ASIC5: variants seen among roughly 807,000 people sequenced by gnomAD.
ASIC5 encodes acid sensing ion channel subunit family member 5, also known as bile acid-sensitive ion channel.
ASIC5 carries 52 observed loss-of-function variants against 51.2 expected under a neutral mutation model. The observed-to-expected ratio is 1.02, with a 90% CI of 0.81 to 1.28. ASIC5 has a LOEUF of 1.28. Ranked by LOEUF, ASIC5 falls within the 50% of genes most tolerant of loss-of-function variation. The pLI, the probability that ASIC5 is intolerant of heterozygous loss-of-function variation, is 0.00. For synonymous variants in ASIC5, 231 were observed against 200.7 expected (o/e 1.15, Z -1.28); for missense variants, 635 against 595.0 (o/e 1.07, Z -0.70).
intron 6 of ASIC5, 34 bp downstream of exon 6, chr4:155,842,173 T>G: frequency 6.3e-7 from 1 of 1,587,702 alleles, no homozygotes; most frequent in Admixed American, 1.7e-5. Context: ...CTTAACTGTC[T>G]AGTTAAGTAA....
intron 6 of ASIC5, among the ~76,000 whole-genome samples, chr4:155,839,787 C>T (rs555898976): frequency 4.8e-4 from 73 of 150,778 alleles, no homozygotes; most frequent in African/African-American, 1.6e-3. Context: ...TTATTTCTTG[C>T]TCTGGCAATA....
intron 2 of ASIC5, among the ~76,000 whole-genome samples, chr4:155,857,474 A>G (rs1309244712): frequency 6.6e-6 from 1 of 152,068 alleles, no homozygotes; most frequent in Non-Finnish European, 1.5e-5. Flanking sequence ...TTTCCTTTCA[A>G]AAACCTTGCT....
At chr4:155,838,465 A>G (rs1741042685) in intron 7 of ASIC5, among the ~76,000 whole-genome samples, 1 of 152,186 alleles carries the variant, frequency 6.6e-6, no homozygotes, top group African/African-American at 2.4e-5. Flanking sequence ...GTTCTCAGTA[A>G]TAAAACTTCT....
At chr4:155,860,627 T>C (rs561307685) in intron 2 of ASIC5, among the ~76,000 whole-genome samples, 1 of 152,042 alleles carries the variant, frequency 6.6e-6, no homozygotes, top group South Asian at 2.1e-4. Flanking sequence ...AATAATTTTC[T>C]TATAATTAAG....
chr4:155,839,266 A>G (rs1741063001), intron 6 of ASIC5, among the ~76,000 whole-genome samples: 1 of 151,952 alleles, frequency 6.6e-6, no homozygotes, highest in Non-Finnish European at 1.5e-5. Context: ...AAGCCTCAGA[A>G]AGAGTGGCTT....
At chr4:155,843,872 A>G in intron 4 of ASIC5, 42 bp from the exon 5 acceptor site, 1 of 1,600,424 alleles carries the variant, frequency 6.2e-7, no homozygotes, top group Non-Finnish European at 8.6e-7. Flanking sequence ...CAAATTGACT[A>G]TATCAGTTCT....
chr4:155,863,394 G>T lies in ASIC5; in HGVS notation c.347+54C>A, dbSNP rs1274328261. On this transcript the variant is annotated intron_variant, in intron 2 of 9. Coordinates refer to ENST00000537611, the MANE Select transcript of ASIC5 (RefSeq NM_017419.3). ...AACTCTTTGTCAGTCATCCAAGAAA[G>T]ATTATACTAGCAAATTTATAGGAAC... The T allele has an allele frequency of 5.1e-6, 7 of 1,378,986 alleles. No homozygotes were observed. In the African/African-American group the frequency reaches 7.3e-5, roughly 14 times the overall value. 85.4% of individuals were successfully genotyped at this position (1,378,986 alleles called of 1,614,324 possible).
intron 4 of ASIC5, among the ~76,000 whole-genome samples, 165 bp downstream of exon 4, chr4:155,852,019 TTAATTTC>T (rs1303397920): frequency 6.6e-5 from 10 of 152,064 alleles, no homozygotes; most frequent in Non-Finnish European, 1.2e-4. Flanking sequence ...TTTTGCCTGT[TTAATTTC>T]TAAGCCAGTA....
intron 7 of ASIC5, 105 bp downstream of exon 7, chr4:155,838,708 T>C (rs1741048518): frequency 5.9e-6 from 4 of 683,126 alleles, no homozygotes; most frequent in East Asian, 5.5e-5. Context: ...TTATATACTA[T>C]ATTCTGTTTA....
At chr4:155,851,385 A>G (rs1741379150) in intron 4 of ASIC5, among the ~76,000 whole-genome samples, 1 of 152,020 alleles carries the variant, frequency 6.6e-6, no homozygotes, top group Non-Finnish European at 1.5e-5. Flanking sequence ...AGCCAATGGC[A>G]TGATTCACTT....
At chr4:155,857,636 A>G (rs990099206) in intron 2 of ASIC5, among the ~76,000 whole-genome samples, 1 of 152,094 alleles carries the variant, frequency 6.6e-6, no homozygotes, top group Admixed American at 6.6e-5. Context: ...ATGGTTCTAA[A>G]TGTACTTCTC....
chr4:155,858,973 G>T (rs932795078), intron 2 of ASIC5: 1 of 151,988 alleles, frequency 6.6e-6, no homozygotes, highest in Non-Finnish European at 1.5e-5. Context: ...TATATTCTCA[G>T]GGTGAAATTC....
At chr4:155,850,579 T>C (rs1254713246) in intron 4 of ASIC5, among the ~76,000 whole-genome samples, 3 of 152,030 alleles carry the variant, frequency 2.0e-5, no homozygotes, top group African/African-American at 7.2e-5. Context: ...TTTCCATGGA[T>C]CACATTTCAC....
chr4:155,842,874 T>C (rs983032598), intron 5 of ASIC5, among the ~76,000 whole-genome samples: 4 of 151,802 alleles, frequency 2.6e-5, no homozygotes, highest in African/African-American at 9.7e-5. Context: ...AAAAGAAAAA[T>C]GACTCTCAGC....
chr4:155,862,073 A>T (rs536985094), intron 2 of ASIC5, among the ~76,000 whole-genome samples: 3 of 152,206 alleles, frequency 2.0e-5, no homozygotes, highest in Non-Finnish European at 4.4e-5. Flanking sequence ...GAGTTTATGG[A>T]CTTCCTCACT....
chr4:155,858,047 AATT>A (rs1212450668), intron 2 of ASIC5, among the ~76,000 whole-genome samples: 3 of 152,102 alleles, frequency 2.0e-5, no homozygotes, highest in Admixed American at 1.3e-4. Flanking sequence ...CACTACATCC[AATT>A]ATTATTTCTG....
At chr4:155,841,766 G>A (rs1366614100) in intron 6 of ASIC5, among the ~76,000 whole-genome samples, 1 of 151,994 alleles carries the variant, frequency 6.6e-6, no homozygotes, top group Non-Finnish European at 1.5e-5. Context: ...AGTAAGTATT[G>A]GGGCCCCACC....
At chr4:155,835,270 C>T (rs1020868778) in intron 8 of ASIC5, among the ~76,000 whole-genome samples, 2 of 152,152 alleles carry the variant, frequency 1.3e-5, no homozygotes, top group Non-Finnish European at 2.9e-5. Flanking sequence ...AAGCGCTCCC[C>T]CTGGCCTCTG....
Position 155,829,730 on chromosome 4 carries a change from A to T in ASIC5, c.*126T>A. On this transcript the variant is annotated 3_prime_UTR_variant, in exon 10 of 10. Transcript: ENST00000537611. The stretch of plus-strand genomic sequence containing the variant: ...GACAAATAGAAAGAAATATATATGA[A>T]GAGATACATATCTTTAATGGCTTTT... 1 of 525,304 alleles carries T rather than the reference A, an allele frequency of 1.9e-6. No homozygotes were observed. Among genetic ancestry groups the T allele is most frequent in the Admixed American group, 4.0e-5 (1 of 24,998 alleles). 32.5% of individuals were successfully genotyped at this position (525,304 alleles called of 1,614,324 possible). A position where few individuals can be genotyped will look rare whatever the true frequency, so the allele number is the denominator to read the frequency against.
Sources: allele counts gnomAD v4.1 joint callset (sites outside exome capture counted in the v4.1 genomes callset), GRCh38; gene constraint gnomAD v4.1.1; transcripts MANE v1.5; gene names NCBI Gene and HGNC (gene_info 2026-07-23, HGNC 2026-07-21).